The following RBFOX3 variants were observed in gnomAD, a reference collection of about 807,000 sequenced individuals.
RBFOX3 encodes the protein RNA binding protein fox-1 homolog 3.
A neutral mutation model predicts 48.7 loss-of-function variants in RBFOX3; 17 were observed. The ratio of observed to expected loss-of-function variants is 0.35; its 90% CI spans 0.24 to 0.52. RBFOX3 has a LOEUF of 0.52. RBFOX3 is among the 20% of genes least tolerant of loss of function. The pLI, the probability that RBFOX3 is intolerant of heterozygous loss-of-function variation, is 0.94. For synonymous variants in RBFOX3, 212 were observed against 209.5 expected, an observed-to-expected ratio of 1.01 and a Z score of -0.10; for missense variants, 382 against 497.5, an observed-to-expected ratio of 0.77 and a Z score of 2.21.
chr17:79,119,010 A>AAAAAAGAAAAT (rs2034979147), intron 4 of RBFOX3, among the ~76,000 whole-genome samples: 1 of 116,342 alleles, frequency 8.6e-6, no homozygotes, highest in Non-Finnish European at 2.0e-5. Flanking sequence ...AAATAAAATA[A>AAAAAAGAAAAT]AAAAGAAAGC....
In RBFOX3 at chr17:79,563,955, T is replaced by C. The variant is rs1017321097; in HGVS notation, c.-320+46871A>G. Among the ~76,000 whole-genome samples the C allele has an allele frequency of 5.6e-3, 847 of 152,326 alleles. 4 individuals are homozygous for C. Among genetic ancestry groups the C allele is most frequent in the African/African-American group, 0.019 (800 of 41,570 alleles). On this transcript the variant is annotated intron_variant, in intron 1 of 14. Coordinates refer to ENST00000693108, the MANE Select transcript of RBFOX3 (RefSeq NM_001350451.2). ...ATGATTCTAAGAAAAATGTCTCCCATTAAGTGAGCACTAACTATGCTACGT... is the reference window on the plus strand; with the variant it reads ...ATGATTCTAAGAAAAATGTCTCCCACTAAGTGAGCACTAACTATGCTACGT...
intron 3 of RBFOX3, among the ~76,000 whole-genome samples, chr17:79,304,882 G>A (rs2075881786): frequency 6.6e-6 from 1 of 152,184 alleles, no homozygotes; most frequent in African/African-American, 2.4e-5. Context: ...TCGAGGCAGA[G>A]TCTTGCTTAC....
At chr17:79,118,056 G>A (rs527309627) in intron 4 of RBFOX3, among the ~76,000 whole-genome samples, 1 of 152,204 alleles carries the variant, frequency 6.6e-6, no homozygotes, top group South Asian at 2.1e-4. Flanking sequence ...AGCTGGAAGG[G>A]TGGAGCCTGG....
chr17:79,133,570 A>G (rs527989038), intron 4 of RBFOX3, among the ~76,000 whole-genome samples: 2 of 152,274 alleles, frequency 1.3e-5, no homozygotes, highest in South Asian at 4.1e-4. Flanking sequence ...CTCCTCTGGG[A>G]AGCCTTCCAG....
intron 2 of RBFOX3, among the ~76,000 whole-genome samples, chr17:79,359,887 G>C (rs1479648835): frequency 6.6e-6 from 1 of 151,976 alleles, no homozygotes; most frequent in African/African-American, 2.4e-5. Context: ...CACCATGCCT[G>C]GTTAATTTTT....
intron 4 of RBFOX3, among the ~76,000 whole-genome samples, chr17:79,162,473 G>A (rs947901408): frequency 7.2e-5 from 11 of 152,186 alleles, no homozygotes; most frequent in African/African-American, 2.7e-4. Context: ...CATGTCACAT[G>A]GAGCACACAT....
At position 79,361,024 on chromosome 17, in the gene RBFOX3, A is replaced by G. The variant is rs112620440; in HGVS notation, c.-174-53200T>C. Among the ~76,000 whole-genome samples the G allele has an allele frequency of 0.13, 19,237 of 152,160 alleles. 1,722 individuals are homozygous for G. The highest frequency in any genetic ancestry group is 0.19 in the Non-Finnish European group (13,224 of 67,972). The stretch of plus-strand genomic sequence containing the variant: ...ATGCCGCACCGTGCCTGGGAAGAAC[A>G]TCAGCTTTTGGAAACAGAAGTTCAC... On this transcript the variant is annotated intron_variant, in intron 2 of 14. Coordinates refer to ENST00000693108, the MANE Select transcript of RBFOX3 (RefSeq NM_001350451.2). This position sits in a 1 kb window ranked among gnomAD's most constrained non-coding sequence, Gnocchi z 4.5.
rs930780662 is a variant in RBFOX3, at chr17:79,591,325, C to G, written c.-320+19501G>C. Reference sequence around the variant, plus strand: ...CGGGGGCTTCCTTCATCTCAAAACTCAGAGTGTTGTCACAGCCACGCTGCC... The same window carrying G: ...CGGGGGCTTCCTTCATCTCAAAACTGAGAGTGTTGTCACAGCCACGCTGCC... On this transcript the variant is annotated intron_variant, in intron 1 of 14. Coordinates refer to ENST00000693108, the MANE Select transcript of RBFOX3 (RefSeq NM_001350451.2). 3.0e-3 allele frequency among the ~76,000 whole-genome samples: 457 copies of G among 152,300 alleles called. 1 individual carries two copies. Among genetic ancestry groups the G allele is most frequent in the African/African-American group, 9.8e-3 (409 of 41,574 alleles).
chr17:79,467,299 C>A (rs763193746), intron 2 of RBFOX3, among the ~76,000 whole-genome samples: 5 of 152,142 alleles, frequency 3.3e-5, no homozygotes, highest in Non-Finnish European at 7.4e-5. Context: ...AGTAGCGTGC[C>A]TTCCTCAGAG....
chr17:79,480,797 A>G lies in RBFOX3; in HGVS notation c.-175+1657T>C, dbSNP rs2078666091. Among the ~76,000 whole-genome samples, 1 of 152,070 alleles carries G rather than the reference A, an allele frequency of 6.6e-6. No homozygotes were observed. Among genetic ancestry groups the G allele is most frequent in the South Asian group, 2.1e-4 (1 of 4,806 alleles). On this transcript the variant is annotated intron_variant, in intron 2 of 14. Transcript: ENST00000693108. The surrounding 1 kb of genome is among the most constrained non-coding windows in gnomAD (Gnocchi z 4.8). Reference sequence around the variant, plus strand: ...GTCCTGGGCAACTGCAGCCCCCACCATTCCCCGTGGTCTTAATGCACTGCA... The same window carrying G: ...GTCCTGGGCAACTGCAGCCCCCACCGTTCCCCGTGGTCTTAATGCACTGCA...
At chr17:79,476,788 G>C (rs2077830263) in intron 2 of RBFOX3, among the ~76,000 whole-genome samples, 2 of 151,942 alleles carry the variant, frequency 1.3e-5, no homozygotes, top group East Asian at 3.9e-4. Context: ...AAAGCCTGAA[G>C]TGCACACAAT....
At position 79,090,752 on chromosome 17, in the gene RBFOX3, G is replaced by A. The variant is rs1366256800; in HGVS notation, c.*131C>T. ...ACGCGGGACTTGGACTTGGTTGGAT[G>A]CCTCTTGGTTTGGTTGGTTTTTTTT... is the stretch of plus-strand genomic sequence containing the variant. On this transcript the variant is annotated 3_prime_UTR_variant, in exon 15 of 15. Coordinates refer to ENST00000693108, the MANE Select transcript of RBFOX3 (RefSeq NM_001350451.2). 8.8e-7 allele frequency: 1 copy of A among 1,130,786 alleles called. No individual in the cohort carries two copies. The highest frequency in any genetic ancestry group is 1.7e-5 in the South Asian group (1 of 60,166). The allele number at this position is 1,130,786 out of a possible 1,614,324, so 70.0% of individuals were successfully genotyped here.
intron 13 of RBFOX3, 68 bp downstream of exon 13, chr17:79,095,445 G>A: frequency 1.4e-6 from 2 of 1,422,776 alleles, no homozygotes; most frequent in Non-Finnish European, 1.9e-6. Flanking sequence ...TCTGGGCCCA[G>A]CTCCCCAGGG....
intron 2 of RBFOX3, among the ~76,000 whole-genome samples, chr17:79,429,741 G>A (rs1365353446): frequency 2.6e-5 from 4 of 152,104 alleles, no homozygotes; most frequent in Admixed American, 6.5e-5. Context: ...TCAATGACTC[G>A]TCGGGGCCAC....
In RBFOX3 at chr17:79,258,248, C is replaced by T. The variant is rs558059177; in HGVS notation, c.-73-22443G>A. 2.0e-5 allele frequency among the ~76,000 whole-genome samples: 3 copies of T among 152,324 alleles called. No homozygotes were observed. In the South Asian group the frequency reaches 6.2e-4, roughly 32 times the overall value. On this transcript the variant is annotated intron_variant, in intron 3 of 14. Transcript: ENST00000693108. Reference sequence around the variant, plus strand: ...CAGGGCTGACCCAGTGCAGGGAGCACCACACTGACAGGCAGTCGCAGCACC... The same window carrying T: ...CAGGGCTGACCCAGTGCAGGGAGCATCACACTGACAGGCAGTCGCAGCACC...
At chr17:79,284,290 A>G (rs192582899) in intron 3 of RBFOX3, among the ~76,000 whole-genome samples, 296 of 152,214 alleles carry the variant, frequency 1.9e-3, no homozygotes, top group African/African-American at 6.9e-3. Context: ...AAGTCTCTGA[A>G]CCACTTGGGG....
At chr17:79,445,212 G>C (rs797032390) in intron 2 of RBFOX3, among the ~76,000 whole-genome samples, 4 of 152,164 alleles carry the variant, frequency 2.6e-5, no homozygotes, top group African/African-American at 9.7e-5. Context: ...CTGGGAACAC[G>C]GGTAGGTGTG....
chr17:79,656,989 C>G, the RBFOX3 span, among the ~76,000 whole-genome samples: 1 of 152,094 alleles, frequency 6.6e-6, no homozygotes, highest in African/African-American at 2.4e-5. Context: ...AGTTTGCTGA[C>G]CTCTGTTCCT....
chr17:79,341,054 A>G (rs1007492554), intron 2 of RBFOX3, among the ~76,000 whole-genome samples: 5 of 152,266 alleles, frequency 3.3e-5, no homozygotes, highest in Non-Finnish European at 7.3e-5. Context: ...CAAAACAGTC[A>G]TCTGAAGAAA....
Sources: gnomAD v4.1 joint callset for allele counts (sites outside exome capture counted in the v4.1 genomes callset) on GRCh38, gnomAD v4.1.1 for gene constraint, Gnocchi (gnomAD v3.1) non-coding constraint, MANE v1.5 for transcripts, NCBI Gene and HGNC (gene_info 2026-07-23, HGNC 2026-07-21) for gene names.